Variants in GLRA3 observed in about 807,000 individuals in gnomAD.
GLRA3 encodes the protein glycine receptor subunit alpha-3.
Under a neutral mutation model 60.4 loss-of-function variants are expected in GLRA3, and 44 were observed. That is an observed-to-expected ratio of 0.73 (90% CI 0.57 to 0.94). The LOEUF is 0.94. GLRA3 is among the 40% of genes least tolerant of loss of function. The pLI, the probability that GLRA3 is intolerant of heterozygous loss-of-function variation, is 0.00. For synonymous variants in GLRA3, 223 were observed against 192.9 expected, an observed-to-expected ratio of 1.16 and a Z score of -1.29; for missense variants, 508 against 564.6, an observed-to-expected ratio of 0.90 and a Z score of 1.02.
chr4:174,670,431 C>T (rs189916018), intron 7 of GLRA3, among the ~76,000 whole-genome samples: 10 of 152,132 alleles, frequency 6.6e-5, no homozygotes, highest in South Asian at 6.2e-4. Flanking sequence ...CTTTCACTGG[C>T]GAAGTGGTAG....
At position 174,642,634 on chromosome 4, in the gene GLRA3, C is replaced by T; in HGVS notation, c.*1152G>A. The T allele has an allele frequency of 1.2e-6, 1 of 843,214 alleles. No homozygotes were observed. The highest frequency in any genetic ancestry group is 1.4e-6 in the Non-Finnish European group (1 of 700,416). The allele number at this position is 843,214 out of a possible 1,614,324, so 52.2% of individuals were successfully genotyped here. A position where few individuals can be genotyped will look rare whatever the true frequency, so the allele number is the denominator to read the frequency against. Reference sequence around the variant, plus strand: ...AAATTTCATTTAAAATTATTCACATCTTGCGAATGGCTTAGATTTTGAAAT... The same window carrying T: ...AAATTTCATTTAAAATTATTCACATTTTGCGAATGGCTTAGATTTTGAAAT... On this transcript the variant is annotated 3_prime_UTR_variant, in exon 10 of 10. Transcript: ENST00000274093.
rs1323862358 is a variant in GLRA3 at position 174,808,728 on chromosome 4, C to T, written c.72-19785G>A. 3.3e-5 allele frequency among the ~76,000 whole-genome samples: 5 copies of T among 151,694 alleles called. No homozygotes were observed. In the South Asian group the frequency reaches 8.3e-4, roughly 25 times the overall value. On this transcript the variant is annotated intron_variant, in intron 1 of 9. Coordinates refer to ENST00000274093, the MANE Select transcript of GLRA3 (RefSeq NM_006529.4). ...GTGGAAGATGGTGATAGTGATAATC[C>T]TGATTCTCTGTAGGCACAGGCTAAT...
At chr4:174,750,554 T>TA (rs201626503) in intron 3 of GLRA3, among the ~76,000 whole-genome samples, 16 of 151,370 alleles carry the variant, frequency 1.1e-4, no homozygotes, top group South Asian at 4.2e-4. Flanking sequence ...CCAGCATCTT[T>TA]AAAAAAAAAT....
At chr4:174,716,750 A>C (rs904547748) in intron 4 of GLRA3, among the ~76,000 whole-genome samples, 4 of 152,170 alleles carry the variant, frequency 2.6e-5, no homozygotes, top group Admixed American at 1.3e-4. Context: ...GTTAACACAC[A>C]TAAGTGCTTA....
chr4:174,744,642 A>G (rs1342810768), intron 3 of GLRA3, among the ~76,000 whole-genome samples: 1 of 152,258 alleles, frequency 6.6e-6, no homozygotes, highest in Non-Finnish European at 1.5e-5. Flanking sequence ...CCATTGATAC[A>G]TATTCAGGAA....
At chr4:174,775,378 G>A (rs1395638437) in intron 2 of GLRA3, among the ~76,000 whole-genome samples, 2 of 151,990 alleles carry the variant, frequency 1.3e-5, no homozygotes, top group East Asian at 3.9e-4. Flanking sequence ...GTAGAATAGA[G>A]TACTAGAAAG....
At chr4:174,782,373 G>T (rs376234769) in intron 2 of GLRA3, among the ~76,000 whole-genome samples, 1 of 151,660 alleles carries the variant, frequency 6.6e-6, no homozygotes, top group African/African-American at 2.4e-5. Flanking sequence ...ACTGAATGGG[G>T]AAAAACTGGA....
intron 1 of GLRA3, among the ~76,000 whole-genome samples, chr4:174,797,610 C>A (rs1739621743): frequency 6.6e-6 from 1 of 151,964 alleles, no homozygotes; most frequent in Admixed American, 6.6e-5. Context: ...TGAAACAGAA[C>A]ATCAAAATCT....
chr4:174,680,198 C>A (rs1482964202), intron 6 of GLRA3, among the ~76,000 whole-genome samples: 3 of 151,942 alleles, frequency 2.0e-5, no homozygotes, highest in Non-Finnish European at 4.4e-5. Flanking sequence ...AAGGGATACA[C>A]ACATGAACAC....
At chr4:174,799,707 C>G (rs917920233) in intron 1 of GLRA3, among the ~76,000 whole-genome samples, 5 of 152,298 alleles carry the variant, frequency 3.3e-5, no homozygotes, top group Non-Finnish European at 7.4e-5. Context: ...GAATGCAATA[C>G]TAACCCCAGG....
intron 2 of GLRA3, among the ~76,000 whole-genome samples, chr4:174,779,251 G>T (rs1041874020): frequency 2.6e-5 from 4 of 152,110 alleles, no homozygotes; most frequent in Non-Finnish European, 5.9e-5. Context: ...GCAGCTGAGG[G>T]TCCTGTCTGT....
intron 5 of GLRA3, among the ~76,000 whole-genome samples, chr4:174,690,926 T>C (rs1228032424): frequency 6.6e-6 from 1 of 152,114 alleles, no homozygotes; most frequent in Non-Finnish European, 1.5e-5. Flanking sequence ...CATGGATGGG[T>C]ATTTAGGTTG....
intron 3 of GLRA3, among the ~76,000 whole-genome samples, chr4:174,730,528 C>A (rs998011276): frequency 1.3e-5 from 2 of 152,162 alleles, no homozygotes. Flanking sequence ...ATTTAGAACT[C>A]TCTGTAGCTG....
chr4:174,708,562 A>G (rs1347610116), intron 5 of GLRA3, among the ~76,000 whole-genome samples: 1 of 142,048 alleles, frequency 7.0e-6, no homozygotes, highest in East Asian at 2.1e-4. Context: ...ATTTTCTTAT[A>G]TTGTCTTTTC....
At chr4:174,826,860 G>A (rs1016120543) in intron 1 of GLRA3, among the ~76,000 whole-genome samples, 3 of 140,556 alleles carry the variant, frequency 2.1e-5, no homozygotes, top group Non-Finnish European at 4.6e-5. Context: ...AATATTTCCA[G>A]TAGAGGGAGC....
At chr4:174,646,753 C>T (rs1579381654) in intron 9 of GLRA3, among the ~76,000 whole-genome samples, 1 of 152,156 alleles carries the variant, frequency 6.6e-6, no homozygotes, top group East Asian at 1.9e-4. Context: ...TCCTGCCTCA[C>T]ATCCTCCTAG....
chr4:174,802,965 G>A (rs946601535), intron 1 of GLRA3, among the ~76,000 whole-genome samples: 21 of 151,874 alleles, frequency 1.4e-4, no homozygotes, highest in South Asian at 4.2e-4. Flanking sequence ...ATTATATATC[G>A]TTTGTACATG....
intron 7 of GLRA3, among the ~76,000 whole-genome samples, chr4:174,660,897 T>G (rs1733406968): frequency 6.6e-6 from 1 of 152,222 alleles, no homozygotes; most frequent in Non-Finnish European, 1.5e-5. Context: ...TATTCTGGAT[T>G]GGGCCATTAG....
intron 7 of GLRA3, among the ~76,000 whole-genome samples, chr4:174,663,001 T>C (rs1251678101): frequency 6.6e-6 from 1 of 152,132 alleles, no homozygotes; most frequent in Non-Finnish European, 1.5e-5. Flanking sequence ...GGGGAGAAAC[T>C]GAATCATAGA....
Sources: allele counts gnomAD v4.1 joint callset (sites outside exome capture counted in the v4.1 genomes callset), GRCh38; gene constraint gnomAD v4.1.1; transcripts MANE v1.5; gene names NCBI Gene and HGNC (gene_info 2026-07-23, HGNC 2026-07-21).